Variants in SPOCK3 observed in about 807,000 individuals in gnomAD.
SPOCK3 encodes testican-3.
In SPOCK3, 30 loss-of-function variants were observed where a neutral mutation model predicts 56.6. The ratio of observed to expected loss-of-function variants is 0.53; its 90% CI spans 0.40 to 0.72. The LOEUF (loss-of-function observed/expected upper bound fraction) is 0.72, where lower values mean the gene tolerates loss of function less well. Among genes scored for constraint, SPOCK3 ranks in the 30% least tolerant of loss-of-function variants. SPOCK3 has a pLI of 0.00. For synonymous variants in SPOCK3, 196 were observed against 183.3 expected, an observed-to-expected ratio of 1.07 and a Z score of -0.56; for missense variants, 527 against 530.0, an observed-to-expected ratio of 0.99 and a Z score of 0.06.
At chr4:166,754,034 A>G in intron 8 of SPOCK3, 1 of 882,720 alleles carries the variant, frequency 1.1e-6, no homozygotes, top group Non-Finnish European at 1.4e-6. Context: ...TTGAAAGACT[A>G]AATCATTTTA....
At chr4:166,923,360 A>C (rs772724563) in intron 4 of SPOCK3, among the ~76,000 whole-genome samples, 1 of 152,216 alleles carries the variant, frequency 6.6e-6, no homozygotes, top group Non-Finnish European at 1.5e-5. Flanking sequence ...CTTATGCTTT[A>C]TAAGATGATA....
chr4:167,139,167 A>C (rs1763338081), intron 2 of SPOCK3, among the ~76,000 whole-genome samples: 1 of 152,006 alleles, frequency 6.6e-6, no homozygotes. Context: ...AGATTCATTT[A>C]GTCGGTGATC....
intron 6 of SPOCK3, among the ~76,000 whole-genome samples, chr4:166,853,325 T>G (rs1204272296): frequency 6.6e-6 from 1 of 152,220 alleles, no homozygotes; most frequent in Non-Finnish European, 1.5e-5. Flanking sequence ...GTATGAAGAC[T>G]TTTTTCTAAA....
chr4:166,916,995 G>A (rs778439954), intron 4 of SPOCK3, among the ~76,000 whole-genome samples: 1 of 152,134 alleles, frequency 6.6e-6, no homozygotes, highest in Non-Finnish European at 1.5e-5. Flanking sequence ...GAGAGAGCTA[G>A]AAATGCTGAA....
At chr4:167,232,362 A>C (rs980649987) in intron 2 of SPOCK3, among the ~76,000 whole-genome samples, 1 of 147,964 alleles carries the variant, frequency 6.8e-6, no homozygotes, top group Non-Finnish European at 1.5e-5. Context: ...AAAAAAAAAA[A>C]CCCAAAACAA....
intron 7 of SPOCK3, among the ~76,000 whole-genome samples, chr4:166,774,791 T>G (rs1359945390): frequency 1.3e-5 from 2 of 152,142 alleles, no homozygotes; most frequent in Non-Finnish European, 2.9e-5. Flanking sequence ...GTAAGCACCC[T>G]CATCCCTCCT....
chr4:166,860,802 CATATAT>C, intron 6 of SPOCK3, among the ~76,000 whole-genome samples: 1 of 101,938 alleles, frequency 9.8e-6, no homozygotes, highest in Non-Finnish European at 2.0e-5. Flanking sequence ...CACACAAATT[CATATAT>C]ATATATATGT....
chr4:166,746,552 C>A (rs1212067059), intron 8 of SPOCK3, among the ~76,000 whole-genome samples: 2 of 152,124 alleles, frequency 1.3e-5, no homozygotes, highest in South Asian at 4.1e-4. Context: ...AAAATTGACA[C>A]CCTAACATCA....
In SPOCK3 at chr4:166,944,766, A is replaced by G. The variant is rs1032190279; in HGVS notation, c.351-32023T>C. Among the ~76,000 whole-genome samples, 8 of 152,244 alleles carry G rather than the reference A, an allele frequency of 5.3e-5. 1 individual carries two copies. The highest frequency in any genetic ancestry group is 3.3e-4 in the Admixed American group (5 of 15,292). ...TCCTTTCAGAGTGACAGTAACTTCT[A>G]TCACTAGATTATGGTGGTATCTTCC... On this transcript the variant is annotated intron_variant, in intron 4 of 10. Transcript: ENST00000357545.
intron 5 of SPOCK3, among the ~76,000 whole-genome samples, chr4:166,899,147 A>G (rs1735731874): frequency 6.6e-6 from 1 of 151,822 alleles, no homozygotes; most frequent in South Asian, 2.1e-4. Context: ...GAATTATATC[A>G]TCATCTTTCC....
intron 7 of SPOCK3, among the ~76,000 whole-genome samples, chr4:166,776,434 C>CAACAAACA (rs149730648): frequency 6.6e-6 from 1 of 151,646 alleles, no homozygotes; most frequent in Non-Finnish European, 1.5e-5. Context: ...AACAAAAAAA[C>CAACAAACA]AACAAACAAA....
At chr4:166,743,364 C>G (rs964034651) in intron 8 of SPOCK3, among the ~76,000 whole-genome samples, 4 of 151,664 alleles carry the variant, frequency 2.6e-5, no homozygotes, top group African/African-American at 7.3e-5. Context: ...TTTTACGTAA[C>G]AAAGTGGAAT....
intron 2 of SPOCK3, among the ~76,000 whole-genome samples, chr4:167,211,902 T>C (rs1289210623): frequency 6.6e-6 from 1 of 152,234 alleles, no homozygotes; most frequent in Non-Finnish European, 1.5e-5. Context: ...TGCTGAGCTA[T>C]GCAGATATAA....
At chr4:167,208,742 A>G (rs1734589440) in intron 2 of SPOCK3, among the ~76,000 whole-genome samples, 2 of 152,064 alleles carry the variant, frequency 1.3e-5, no homozygotes. Flanking sequence ...ATGAGAAAAT[A>G]TTTCTGTAAA....
intron 4 of SPOCK3, among the ~76,000 whole-genome samples, chr4:166,948,428 G>A (rs974185852): frequency 3.9e-5 from 6 of 151,988 alleles, no homozygotes; most frequent in African/African-American, 9.7e-5. Flanking sequence ...TTTTTTTGAG[G>A]AATCTCCACA....
At chr4:166,908,808 G>T (rs930946493) in intron 5 of SPOCK3, among the ~76,000 whole-genome samples, 10 of 151,922 alleles carry the variant, frequency 6.6e-5, no homozygotes, top group African/African-American at 2.4e-4. Context: ...AACATAAATG[G>T]TATATTGAAG....
At chr4:166,856,780 T>TTATCTATCTATCTATCTATCTATC (rs75127358) in intron 6 of SPOCK3, among the ~76,000 whole-genome samples, 11 of 149,270 alleles carry the variant, frequency 7.4e-5, no homozygotes, top group Non-Finnish European at 1.6e-4. Flanking sequence ...CTCAAAAAAA[T>TTATCTATCTATCTATCTATCTATC]TATCTATCTA....
chr4:166,799,536 G>C (rs971148160), intron 6 of SPOCK3, among the ~76,000 whole-genome samples: 1 of 152,122 alleles, frequency 6.6e-6, no homozygotes, highest in Admixed American at 6.5e-5. Context: ...TGGGCATAGG[G>C]TGATGTTGCG....
intron 6 of SPOCK3, among the ~76,000 whole-genome samples, chr4:166,857,911 T>C (rs1462875577): frequency 2.6e-5 from 4 of 152,216 alleles, no homozygotes; most frequent in Non-Finnish European, 4.4e-5. Flanking sequence ...TCTATGTATC[T>C]TGGGGATAAC....
Sources: gnomAD v4.1 joint callset for allele counts (sites outside exome capture counted in the v4.1 genomes callset) on GRCh38, gnomAD v4.1.1 for gene constraint, MANE v1.5 for transcripts, NCBI Gene and HGNC (gene_info 2026-07-23, HGNC 2026-07-21) for gene names.